Variants in MICU2 observed in about 807,000 individuals in gnomAD.
MICU2 encodes the protein calcium uptake protein 2, mitochondrial.
In MICU2, 64 loss-of-function variants were observed where a neutral mutation model predicts 60.4. The observed-to-expected ratio is 1.06, with a 90% CI of 0.87 to 1.31. The LOEUF (loss-of-function observed/expected upper bound fraction) is 1.31. Ranked by LOEUF, MICU2 falls within the 50% of genes most tolerant of loss-of-function variation. The probability of loss-of-function intolerance (pLI) is 0.00; values close to 1 mark genes in which losing one functional copy is unlikely to be tolerated. For missense variants in MICU2, 569 were observed against 531.0 expected, an observed-to-expected ratio of 1.07 and a Z score of -0.70; for synonymous variants, 201 against 175.0, an observed-to-expected ratio of 1.15 and a Z score of -1.17.
At chr13:21,571,545 A>G (rs945310798) in intron 1 of MICU2, among the ~76,000 whole-genome samples, 1 of 152,152 alleles carries the variant, frequency 6.6e-6, no homozygotes, top group Non-Finnish European at 1.5e-5. Context: ...AAAATACAAA[A>G]AAATTAGCCA....
intron 1 of MICU2, among the ~76,000 whole-genome samples, chr13:21,593,386 A>G (rs747331956): frequency 1.6e-4 from 25 of 152,114 alleles, no homozygotes; most frequent in Non-Finnish European, 4.4e-5. Flanking sequence ...ATGGAAAAAC[A>G]TTCCTTGCTC....
chr13:21,510,185 T>A (rs933304127), intron 7 of MICU2, 84 bp from the exon 8 acceptor site: 1 of 656,826 alleles, frequency 1.5e-6, no homozygotes, highest in African/African-American at 1.9e-5. Context: ...TAGAATAATA[T>A]CCAGAAAGGA....
chr13:21,513,701 C>T (rs1593319652), intron 7 of MICU2, among the ~76,000 whole-genome samples: 1 of 113,944 alleles, frequency 8.8e-6, no homozygotes, highest in African/African-American at 3.4e-5. Context: ...GATCGCGCCA[C>T]TGCACTCTAA....
chr13:21,603,314 G>C (rs956040397), intron 1 of MICU2, among the ~76,000 whole-genome samples: 3 of 152,086 alleles, frequency 2.0e-5, no homozygotes, highest in Non-Finnish European at 4.4e-5. Flanking sequence ...AGCAATTTTT[G>C]CTTAGAACTT....
intron 1 of MICU2, among the ~76,000 whole-genome samples, chr13:21,602,513 C>T (rs969816430): frequency 3.4e-5 from 5 of 148,984 alleles, no homozygotes; most frequent in African/African-American, 1.3e-4. Context: ...CAGAGCGAGA[C>T]TCCTCTCAAA....
At chr13:21,581,157 G>C (rs557108708) in intron 1 of MICU2, among the ~76,000 whole-genome samples, 7 of 152,194 alleles carry the variant, frequency 4.6e-5, no homozygotes, top group Non-Finnish European at 1.0e-4. Context: ...ACTAGGAAGA[G>C]ACAAGGATGT....
At chr13:21,590,481 C>T (rs1472705908) in intron 1 of MICU2, among the ~76,000 whole-genome samples, 1 of 152,198 alleles carries the variant, frequency 6.6e-6, no homozygotes, top group East Asian at 1.9e-4. Context: ...TAAATCTTCT[C>T]TTTGTGGTCA....
At chr13:21,513,775 C>T (rs1227240686) in intron 7 of MICU2, among the ~76,000 whole-genome samples, 1 of 126,220 alleles carries the variant, frequency 7.9e-6, no homozygotes, top group Admixed American at 8.1e-5. Flanking sequence ...GACAACTTTA[C>T]ATATATTAAG....
intron 2 of MICU2, among the ~76,000 whole-genome samples, chr13:21,560,623 A>C (rs373923659): frequency 0.028 from 3,777 of 134,968 alleles, 60 homozygotes; most frequent in Non-Finnish European, 0.032. Flanking sequence ...CTTGTCAAAA[A>C]ACACACACAC....
chr13:21,543,694 C>T (rs1001529925), intron 2 of MICU2, among the ~76,000 whole-genome samples: 3 of 152,070 alleles, frequency 2.0e-5, no homozygotes, highest in East Asian at 1.9e-4. Flanking sequence ...AAAACATCCC[C>T]GGCTCGTGGA....
chr13:21,559,476 A>T (rs545865642), intron 2 of MICU2, among the ~76,000 whole-genome samples: 72 of 151,986 alleles, frequency 4.7e-4, no homozygotes, highest in Non-Finnish European at 7.4e-4. Flanking sequence ...GCTAATGTTT[A>T]ATTTTATATA....
In MICU2 at chr13:21,505,836, C is replaced by T. The variant is rs552013240; in HGVS notation, c.762-2739G>A. Among the ~76,000 whole-genome samples the T allele has an allele frequency of 6.6e-5, 10 of 152,094 alleles. No individual in the cohort carries two copies. In the South Asian group the frequency reaches 1.0e-3, roughly 16 times the overall value. On this transcript the variant is annotated intron_variant, in intron 8 of 11. Transcript: ENST00000382374. Reference sequence around the variant, plus strand: ...AAAGTATGTGATCCTGTATCAAGTCCCTCAACCTCATCAGATTCTAGTTAT... The same window carrying T: ...AAAGTATGTGATCCTGTATCAAGTCTCTCAACCTCATCAGATTCTAGTTAT...
chr13:21,601,474 A>T (rs984875209), intron 1 of MICU2, among the ~76,000 whole-genome samples: 1 of 152,238 alleles, frequency 6.6e-6, no homozygotes, highest in Non-Finnish European at 1.5e-5. Context: ...ACGATTGATA[A>T]TAAAATGGTT....
At chr13:21,560,208 G>A (rs151253516) in intron 2 of MICU2, among the ~76,000 whole-genome samples, 46 of 152,238 alleles carry the variant, frequency 3.0e-4, no homozygotes, top group African/African-American at 1.1e-3. Flanking sequence ...AATCTTTTAT[G>A]TTAGTGCTTT....
rs71093324 is a variant in MICU2 at position 21,525,181 on chromosome 13, A to ATTTTTTT, written c.467-2538_467-2532dup. 2.6e-4 allele frequency among the ~76,000 whole-genome samples: 22 copies of ATTTTTTT among 83,304 alleles called. 4 individuals are homozygous for ATTTTTTT. The highest frequency in any genetic ancestry group is 7.2e-4 in the African/African-American group (14 of 19,404). 54.7% of individuals were successfully genotyped at this position (83,304 alleles called of 152,430 possible). On this transcript the variant is annotated intron_variant, in intron 4 of 11. Coordinates refer to ENST00000382374, the MANE Select transcript of MICU2 (RefSeq NM_152726.3). ...TCATACAGTAATGCTGTGTAATTCAATTTTTTTTTTTTTTTTTTTTTTTTT... is the reference window on the plus strand; with the variant it reads ...TCATACAGTAATGCTGTGTAATTCAATTTTTTTTTTTTTTTTTTTTTTTTTTTTTTTT...
chr13:21,504,431 T>C (rs1886247227), intron 8 of MICU2, among the ~76,000 whole-genome samples: 1 of 152,152 alleles, frequency 6.6e-6, no homozygotes, highest in South Asian at 2.1e-4. Flanking sequence ...TATTATAAAC[T>C]TAATTGCTGT....
chr13:21,552,068 T>C (rs1321188602), intron 2 of MICU2, among the ~76,000 whole-genome samples: 1 of 152,102 alleles, frequency 6.6e-6, no homozygotes, highest in African/African-American at 2.4e-5. Context: ...AAAGTGTTCC[T>C]ATTTCTCCAC....
rs1435519556 is a variant in MICU2 at position 21,521,264 on chromosome 13, T to G, written c.578A>C (p.Glu193Ala). Residue 193 changes from glutamate to alanine, a missense_variant, in exon 6 of 12, where the codon GAA becomes GCA. Glu to Ala is a moderately radical substitution (Grantham distance 107). Coordinates refer to ENST00000382374, the MANE Select transcript of MICU2 (RefSeq NM_152726.3). ...MLDTDGNEMIEKREFFKLQKI... is the reference protein window; with the variant it reads ...MLDTDGNEMIAKREFFKLQKI... ...ACTTACCTTAAAAAATTCCCTTTTT[T>G]CAATCATCTCATTACCATCTGTATC... 3.7e-6 allele frequency: 6 copies of G among 1,606,062 alleles called. No homozygotes were observed. Among genetic ancestry groups the G allele is most frequent in the Non-Finnish European group, 5.1e-6 (6 of 1,177,506 alleles).
intron 2 of MICU2, among the ~76,000 whole-genome samples, chr13:21,540,838 C>T (rs1237107952): frequency 1.3e-5 from 2 of 152,010 alleles, no homozygotes; most frequent in African/African-American, 4.8e-5. Flanking sequence ...TTGGACAAAT[C>T]TAAGTGAGTG....
Sources: allele counts gnomAD v4.1 joint callset (sites outside exome capture counted in the v4.1 genomes callset), GRCh38; gene constraint gnomAD v4.1.1; transcripts MANE v1.5; gene names NCBI Gene and HGNC (gene_info 2026-07-23, HGNC 2026-07-21).